The following COX6A1 variants were observed in gnomAD, a reference collection of about 807,000 sequenced individuals.
COX6A1 encodes cytochrome c oxidase subunit 6A1, mitochondrial.
In COX6A1, 10 loss-of-function variants were observed where a neutral mutation model predicts 11.3. That is an observed-to-expected ratio of 0.88 (90% CI 0.54 to 1.50). The LOEUF (loss-of-function observed/expected upper bound fraction) is 1.50, where lower values mean the gene tolerates loss of function less well. Among genes scored for constraint, COX6A1 ranks in the 40% most tolerant of loss-of-function variants. COX6A1 has a pLI of 0.00. For missense variants in COX6A1, 149 were observed against 147.6 expected, an observed-to-expected ratio of 1.01 and a Z score of -0.05; for synonymous variants, 81 against 60.6, an observed-to-expected ratio of 1.34 and a Z score of -1.57.
intron 2 of COX6A1, among the ~76,000 whole-genome samples, chr12:120,439,777 A>G (rs1326983503): frequency 6.6e-6 from 1 of 152,074 alleles, no homozygotes; most frequent in African/African-American, 2.4e-5. Flanking sequence ...GGGCTGGGTA[A>G]TTCTTGTTGG....
chr12:120,438,305 G>A (rs1877621846), intron 1 of COX6A1, 74 bp from the exon 2 acceptor site: 3 of 1,613,274 alleles, frequency 1.9e-6, no homozygotes, highest in Middle Eastern at 1.6e-4. Context: ...ACCTTGGCCC[G>A]AGGCCTTGCG....
At chr12:120,438,572 G>A (rs754987615) in intron 2 of COX6A1, 51 bp downstream of exon 2, 1 of 1,613,576 alleles carries the variant, frequency 6.2e-7, no homozygotes, top group South Asian at 1.1e-5. Context: ...CGTTATGTGT[G>A]CCTTAGTGCA....
At chr12:120,439,037 TCAAAA>T (rs1356824096) in intron 2 of COX6A1, among the ~76,000 whole-genome samples, 2 of 152,096 alleles carry the variant, frequency 1.3e-5, no homozygotes, top group Non-Finnish European at 2.9e-5. Flanking sequence ...GACTCTGGTC[TCAAAA>T]CAAAACAAAA....
chr12:120,438,784 A>C, intron 2 of COX6A1: 1 of 257,242 alleles, frequency 3.9e-6, no homozygotes, highest in Non-Finnish European at 6.8e-6. Flanking sequence ...CTTCTGAGAC[A>C]GTTCTTTTTT....
At chr12:120,439,593 GTTATTATTA>G (rs568707652) in intron 2 of COX6A1, among the ~76,000 whole-genome samples, 6 of 151,102 alleles carry the variant, frequency 4.0e-5, no homozygotes, top group African/African-American at 7.3e-5. Context: ...GATGAAAAAA[GTTATTATTA>G]TTATTATTAT....
chr12:120,438,395 T>C lies in COX6A1; in HGVS notation c.120T>C (p.Thr40=), dbSNP rs1877624065. 6.2e-7 allele frequency: 1 copy of C among 1,614,166 alleles called. No individual in the cohort carries two copies. The highest frequency in any genetic ancestry group is 8.5e-7 in the Non-Finnish European group (1 of 1,180,022). Residue 40 remains threonine (T), a synonymous_variant, in exon 2 of 3, where the codon ACT becomes ACC. Coordinates refer to ENST00000229379, the MANE Select transcript of COX6A1 (RefSeq NM_004373.4). Reference sequence around the variant, plus strand: ...TCTCCGCAGCTCGCATGTGGAAGACTCTCACCTTCTTCGTCGCGCTCCCCG... The same window carrying C: ...TCTCCGCAGCTCGCATGTGGAAGACCCTCACCTTCTTCGTCGCGCTCCCCG... The part of the protein sequence containing the change: ...GEEGSARMWK[T]LTFFVALPGV...
rs1037688523 is a variant in COX6A1, at chr12:120,440,600, C to T, written c.*63C>T. 13 of 1,264,042 alleles carry T rather than the reference C, an allele frequency of 1.0e-5. No individual in the cohort carries two copies. The highest frequency in any genetic ancestry group is 1.5e-5 in the African/African-American group (1 of 67,586). 78.3% of individuals were successfully genotyped at this position (1,264,042 alleles called of 1,614,324 possible). A position where few individuals can be genotyped will look rare whatever the true frequency, so the allele number is the denominator to read the frequency against. On this transcript the variant is annotated 3_prime_UTR_variant, in exon 3 of 3. Coordinates refer to ENST00000229379, the MANE Select transcript of COX6A1 (RefSeq NM_004373.4). ...AGCACTGGTTTGGACCGTTACTCTG[C>T]ACATGGACCAGAAAAAGTATATGGG... is the stretch of plus-strand genomic sequence containing the variant.
rs775552221 is a variant in COX6A1 at position 120,440,571 on chromosome 12, CCACAGCACTGGTT to C, written c.*35_*47del. 19 of 1,471,634 alleles carry C rather than the reference CCACAGCACTGGTT, an allele frequency of 1.3e-5. No individual in the cohort carries two copies. The highest frequency in any genetic ancestry group is 1.8e-5 in the Non-Finnish European group (19 of 1,050,972). 91.2% of individuals were successfully genotyped at this position (1,471,634 alleles called of 1,614,324 possible). ...TGGACCACTACCCGGGCACCAGGGA[CCACAGCACTGGTT>C]TGGACCGTTACTCTGCACATGGACC... On this transcript the variant is annotated 3_prime_UTR_variant, in exon 3 of 3. Coordinates refer to ENST00000229379, the MANE Select transcript of COX6A1 (RefSeq NM_004373.4).
intron 2 of COX6A1, 164 bp downstream of exon 2, chr12:120,438,685 A>G: frequency 1.2e-6 from 1 of 866,104 alleles, no homozygotes; most frequent in Non-Finnish European, 1.8e-6. Flanking sequence ...GACAGCTGAC[A>G]CTTGGGATTA....
At position 120,438,159 on chromosome 12, in the gene COX6A1, G is replaced by A. The variant is rs1041036755; in HGVS notation, c.33G>A (p.Arg11=). The part of the protein sequence containing the change: MAVVGVSSVS[R]LLGRSRPQLG... ...TAGTTGGTGTGTCCTCGGTTTCTCG[G>A]CTGCTGGGTCGGTCCCGCCCACAGC... Residue 11 remains arginine (R), a synonymous_variant, in exon 1 of 3, where the codon CGG becomes CGA. Coordinates refer to ENST00000229379, the MANE Select transcript of COX6A1 (RefSeq NM_004373.4). The A allele has an allele frequency of 6.2e-7, 1 of 1,613,812 alleles. No homozygotes were observed. Among genetic ancestry groups the A allele is most frequent in the East Asian group, 2.2e-5 (1 of 44,876 alleles).
At chr12:120,439,255 G>T (rs1300189206) in intron 2 of COX6A1, among the ~76,000 whole-genome samples, 8 of 152,132 alleles carry the variant, frequency 5.3e-5, no homozygotes, top group Non-Finnish European at 1.0e-4. Flanking sequence ...GGCCATGCGC[G>T]GTGGCTCACG....
chr12:120,438,724 C>A (rs1413869508), intron 2 of COX6A1: 6 of 545,520 alleles, frequency 1.1e-5, no homozygotes, highest in African/African-American at 2.0e-5. Context: ...CAAGGTCATA[C>A]AATAAGTGCT....
chr12:120,438,406 T>C lies in COX6A1; in HGVS notation c.131T>C (p.Phe44Ser). ...CGCATGTGGAAGACTCTCACCTTCTTCGTCGCGCTCCCCGGGGTGGCAGTC... is the reference window on the plus strand; with the variant it reads ...CGCATGTGGAAGACTCTCACCTTCTCCGTCGCGCTCCCCGGGGTGGCAGTC... The part of the protein sequence containing the change: ...SARMWKTLTF[F>S]VALPGVAVSM... Residue 44 changes from phenylalanine to serine, a missense_variant, in exon 2 of 3, where the codon TTC (phenylalanine) becomes TCC (serine). Phe to Ser is a radical substitution (Grantham distance 155). Transcript: ENST00000229379. 1 of 1,614,216 alleles carries C rather than the reference T, an allele frequency of 6.2e-7. No individual in the cohort carries two copies. The highest frequency in any genetic ancestry group is 8.5e-7 in the Non-Finnish European group (1 of 1,180,034).
chr12:120,440,401 GTTCT>G (rs1877693505), intron 2 of COX6A1, 49 bp from the exon 3 acceptor site: 5 of 1,416,538 alleles, frequency 3.5e-6, no homozygotes, highest in Non-Finnish European at 5.0e-6. Context: ...TCATGACGGT[GTTCT>G]TTCTAAATTA....
chr12:120,440,503 T>C lies in COX6A1; in HGVS notation c.296T>C (p.Val99Ala). The change falls in exon 3 of 3, where the codon GTG becomes GCG. Residue 99 changes from valine (V) to alanine (A), a missense_variant. Val to Ala is a moderately conservative substitution (Grantham distance 64). Coordinates refer to ENST00000229379, the MANE Select transcript of COX6A1 (RefSeq NM_004373.4). ...GNHTLFHNPH[V>A]NPLPTGYEDE ...CATACTCTATTCCATAACCCTCATGTGAATCCACTTCCAACTGGCTACGAA... is the reference window on the plus strand; with the variant it reads ...CATACTCTATTCCATAACCCTCATGCGAATCCACTTCCAACTGGCTACGAA... 6.2e-7 allele frequency: 1 copy of C among 1,613,394 alleles called. No individual in the cohort carries two copies. Among genetic ancestry groups the C allele is most frequent in the Non-Finnish European group, 8.5e-7 (1 of 1,179,304 alleles).
rs1362003287 is a variant in COX6A1 at position 120,438,465 on chromosome 12, G to C, written c.190G>C (p.Gly64Arg). Residue 64 changes from glycine (G) to arginine (R), a missense_variant, in exon 2 of 3, where the codon GGA (glycine) becomes CGA (arginine). Physicochemically the swap from Gly to Arg is moderately radical, Grantham distance 125. Transcript: ENST00000229379. ...MLNVYLKSHH[G>R]EHERPEFIAY... is the part of the protein sequence containing the mutation. The stretch of plus-strand genomic sequence containing the variant: ...GAATGTGTACCTGAAGTCGCACCAC[G>C]GAGAGCACGAGAGACCCGAGTTCAT... 6.2e-6 allele frequency: 10 copies of C among 1,614,190 alleles called. No individual in the cohort carries two copies. The highest frequency in any genetic ancestry group is 1.3e-5 in the African/African-American group (1 of 75,058).
At position 120,438,117 on chromosome 12, in the gene COX6A1, C is replaced by G. The variant is rs367968830; in HGVS notation, c.-10C>G. The G allele has an allele frequency of 4.7e-5, 75 of 1,612,814 alleles. No individual in the cohort carries two copies. Among genetic ancestry groups the G allele is most frequent in the Non-Finnish European group, 6.1e-5 (72 of 1,179,590 alleles). The stretch of plus-strand genomic sequence containing the variant: ...TTCCGCTTCCGGCGCTGCGGCAGTC[C>G]AGATCAAAAATGGCGGTAGTTGGTG... On this transcript the variant is annotated 5_prime_UTR_variant, in exon 1 of 3. Transcript: ENST00000229379.
chr12:120,440,470 A>T lies in COX6A1; in HGVS notation c.263A>T (p.Asp88Val), dbSNP rs762210259. 6.2e-7 allele frequency: 1 copy of T among 1,612,844 alleles called. No individual in the cohort carries two copies. Among genetic ancestry groups the T allele is most frequent in the African/African-American group, 1.3e-5 (1 of 74,874 alleles). ...ACTCCACAGCCGTTTCCCTGGGGAG[A>T]TGGTAACCATACTCTATTCCATAAC... ...RIRTKPFPWG[D>V]GNHTLFHNPH... Residue 88 changes from aspartate to valine, a missense_variant, in exon 3 of 3, where the codon GAT (aspartate) becomes GTT (valine). Asp to Val is a radical substitution (Grantham distance 152). Coordinates refer to ENST00000229379, the MANE Select transcript of COX6A1 (RefSeq NM_004373.4).
At chr12:120,439,250 T>C (rs1877655422) in intron 2 of COX6A1, among the ~76,000 whole-genome samples, 1 of 152,200 alleles carries the variant, frequency 6.6e-6, no homozygotes, top group Admixed American at 6.5e-5. Flanking sequence ...ATACTGGCCA[T>C]GCGCGGTGGC....
Sources: gnomAD v4.1 joint callset for allele counts (sites outside exome capture counted in the v4.1 genomes callset) on GRCh38, gnomAD v4.1.1 for gene constraint, MANE v1.5 for transcripts, NCBI Gene and HGNC (gene_info 2026-07-23, HGNC 2026-07-21) for gene names.